SEMA3E: variants seen among roughly 807,000 people sequenced by gnomAD.
SEMA3E encodes the protein semaphorin 3E, also known as semaphorin-3E.
In SEMA3E, 49 loss-of-function variants were observed where a neutral mutation model predicts 93.6. The observed-to-expected ratio is 0.52, with a 90% CI of 0.42 to 0.66. The LOEUF (loss-of-function observed/expected upper bound fraction) is 0.66. SEMA3E is among the 30% of genes least tolerant of loss of function. The pLI is 0.00. For synonymous variants in SEMA3E, 363 were observed against 330.7 expected (o/e 1.10, Z -1.06); for missense variants, 906 against 964.8 (o/e 0.94, Z 0.81).
chr7:83,387,103 T>C (rs1787897416), intron 14 of SEMA3E, 53 bp from the exon 15 acceptor site: 5 of 1,487,708 alleles, frequency 3.4e-6, no homozygotes, highest in Non-Finnish European at 3.7e-6. Context: ...TTCCAGACTT[T>C]AAAATGCAGC....
intron 3 of SEMA3E, 32 bp from the exon 4 acceptor site, chr7:83,466,633 C>A: frequency 6.2e-7 from 1 of 1,610,036 alleles, no homozygotes; most frequent in Non-Finnish European, 8.5e-7. Context: ...AGGAATCTAT[C>A]AGTATAATAA....
chr7:83,512,247 A>G (rs1790840115), intron 1 of SEMA3E, among the ~76,000 whole-genome samples: 1 of 152,132 alleles, frequency 6.6e-6, no homozygotes, highest in Non-Finnish European at 1.5e-5. Context: ...ACCCCCTTGA[A>G]ATTTTATGCA....
At chr7:83,488,629 T>C (rs1335486560) in intron 2 of SEMA3E, among the ~76,000 whole-genome samples, 1 of 152,184 alleles carries the variant, frequency 6.6e-6, no homozygotes, top group Non-Finnish European at 1.5e-5. Flanking sequence ...CTGGACTCTG[T>C]ATCCTTCTTC....
chr7:83,427,859 T>C (rs940645620), intron 4 of SEMA3E, among the ~76,000 whole-genome samples: 1 of 152,326 alleles, frequency 6.6e-6, no homozygotes, highest in African/African-American at 2.4e-5. Flanking sequence ...TTGAGAATGT[T>C]GGTCACGACT....
At chr7:83,576,148 G>GT (rs1402969962) in intron 1 of SEMA3E, among the ~76,000 whole-genome samples, 1 of 152,076 alleles carries the variant, frequency 6.6e-6, no homozygotes, top group Admixed American at 6.6e-5. Flanking sequence ...CTATCCAAAG[G>GT]TTTGTTTCTC....
intron 16 of SEMA3E, among the ~76,000 whole-genome samples, chr7:83,369,983 T>C (rs1328261629): frequency 1.3e-5 from 2 of 152,038 alleles, no homozygotes; most frequent in Non-Finnish European, 2.9e-5. Context: ...TTAAACATCT[T>C]TTATTTTCTG....
intron 1 of SEMA3E, among the ~76,000 whole-genome samples, chr7:83,588,777 A>G (rs1373407869): frequency 6.6e-6 from 1 of 152,216 alleles, no homozygotes; most frequent in Non-Finnish European, 1.5e-5. Flanking sequence ...AGTCATAACA[A>G]TAAAAAGCAA....
intron 16 of SEMA3E, among the ~76,000 whole-genome samples, chr7:83,383,222 G>A (rs1199846006): frequency 1.9e-5 from 1 of 52,514 alleles, no homozygotes; most frequent in African/African-American, 4.4e-5. Context: ...GATTTGATAA[G>A]AAAGTGATTT....
intron 1 of SEMA3E, among the ~76,000 whole-genome samples, chr7:83,572,846 T>C (rs566625502): frequency 1.3e-5 from 2 of 152,218 alleles, no homozygotes; most frequent in Non-Finnish European, 2.9e-5. Context: ...TGGACATCTA[T>C]TTTTTATCAT....
intron 1 of SEMA3E, among the ~76,000 whole-genome samples, chr7:83,585,273 A>G (rs1179000741): frequency 6.6e-6 from 1 of 152,164 alleles, no homozygotes; most frequent in Non-Finnish European, 1.5e-5. Context: ...CATTGTTTTC[A>G]TAACACTCAC....
At chr7:83,396,539 C>T (rs1025095580) in intron 12 of SEMA3E, 99 bp downstream of exon 12, 10 of 711,966 alleles carry the variant, frequency 1.4e-5, no homozygotes, top group African/African-American at 1.2e-4. Flanking sequence ...CCACAACATA[C>T]CTGTTAGGGA....
At chr7:83,528,993 A>G (rs1741253253) in intron 1 of SEMA3E, among the ~76,000 whole-genome samples, 2 of 152,130 alleles carry the variant, frequency 1.3e-5, no homozygotes, top group Non-Finnish European at 2.9e-5. Context: ...AATCTTCCAG[A>G]CAAGGTCTGA....
intron 1 of SEMA3E, among the ~76,000 whole-genome samples, chr7:83,570,601 C>G (rs1186388545): frequency 7.0e-6 from 1 of 142,558 alleles, no homozygotes; most frequent in Non-Finnish European, 1.5e-5. Flanking sequence ...GACTAATGAT[C>G]TAACATCACA....
intron 2 of SEMA3E, among the ~76,000 whole-genome samples, chr7:83,480,136 C>G (rs1159384002): frequency 6.6e-6 from 1 of 152,064 alleles, no homozygotes; most frequent in Admixed American, 6.6e-5. Flanking sequence ...TTATCACAAC[C>G]ACTATTTTAA....
intron 1 of SEMA3E, among the ~76,000 whole-genome samples, chr7:83,581,708 T>A (rs1792521610): frequency 6.6e-6 from 1 of 152,016 alleles, no homozygotes; most frequent in Non-Finnish European, 1.5e-5. Flanking sequence ...AATCTGGAAT[T>A]TGATCAAAGC....
chr7:83,469,189 G>T (rs915177248), intron 3 of SEMA3E, 54 bp downstream of exon 3: 5 of 1,389,616 alleles, frequency 3.6e-6, no homozygotes, highest in Non-Finnish European at 4.1e-6. Context: ...GTTCTTTGTG[G>T]TTAACTAGGG....
intron 8 of SEMA3E, 73 bp downstream of exon 8, chr7:83,405,872 T>A: frequency 1.8e-6 from 2 of 1,118,720 alleles, no homozygotes; most frequent in Non-Finnish European, 2.7e-6. Flanking sequence ...CAAGTTTCTA[T>A]GTGTCCTAGG....
chr7:83,441,896 C>T (rs1789122361), intron 4 of SEMA3E, among the ~76,000 whole-genome samples: 1 of 151,934 alleles, frequency 6.6e-6, no homozygotes, highest in Non-Finnish European at 1.5e-5. Context: ...TATTTTTTTC[C>T]AAAGAAAAGA....
intron 1 of SEMA3E, among the ~76,000 whole-genome samples, chr7:83,503,268 C>T (rs1483994004): frequency 6.6e-6 from 1 of 151,972 alleles, no homozygotes; most frequent in Non-Finnish European, 1.5e-5. Context: ...TTTTATATTT[C>T]TTCTTTTTAT....
Sources: gnomAD v4.1 joint callset for allele counts (sites outside exome capture counted in the v4.1 genomes callset) on GRCh38, gnomAD v4.1.1 for gene constraint, MANE v1.5 for transcripts, NCBI Gene and HGNC (gene_info 2026-07-23, HGNC 2026-07-21) for gene names.